Variants in NRXN1 observed in about 807,000 individuals in gnomAD.
NRXN1 encodes the protein neurexin-1.
NRXN1 carries 39 observed loss-of-function variants against 150.9 expected under a neutral mutation model. The observed-to-expected ratio is 0.26, with a 90% CI of 0.20 to 0.34. NRXN1 has a LOEUF of 0.34. Ranked by LOEUF, NRXN1 falls within the 10% of genes least tolerant of loss-of-function variation. NRXN1 has a pLI of 1.00. For missense variants in NRXN1, 1,815 were observed against 1,949.9 expected, an observed-to-expected ratio of 0.93 and a Z score of 1.30; for synonymous variants, 924 against 757.0, an observed-to-expected ratio of 1.22 and a Z score of -3.62.
chr2:50,647,888 T>C (rs577679087), intron 5 of NRXN1, among the ~76,000 whole-genome samples: 44 of 152,006 alleles, frequency 2.9e-4, no homozygotes, highest in African/African-American at 1.1e-3. Context: ...AAAATAAATG[T>C]AGGGCATACA....
chr2:50,324,997 C>A (rs1265535943), intron 17 of NRXN1, among the ~76,000 whole-genome samples: 1 of 152,034 alleles, frequency 6.6e-6, no homozygotes, highest in African/African-American at 2.4e-5. Flanking sequence ...AAAAAGCCCA[C>A]CATGGGTTTA....
At chr2:50,580,805 C>T (rs549656253) in intron 8 of NRXN1, among the ~76,000 whole-genome samples, 23 of 152,188 alleles carry the variant, frequency 1.5e-4, no homozygotes, top group African/African-American at 4.1e-4. Flanking sequence ...GGGCTTATTT[C>T]CATGCTATGT....
intron 2 of NRXN1, among the ~76,000 whole-genome samples, chr2:50,927,586 A>G (rs979717459): frequency 9.9e-5 from 15 of 152,166 alleles, no homozygotes; most frequent in African/African-American, 3.4e-4. Flanking sequence ...GTTTTGTTTT[A>G]CTGCATTATA....
At chr2:50,679,175 T>C (rs567231466) in intron 5 of NRXN1, among the ~76,000 whole-genome samples, 4 of 152,092 alleles carry the variant, frequency 2.6e-5, no homozygotes, top group Admixed American at 2.0e-4. Flanking sequence ...AGGAGAAGAT[T>C]AGTAATGGGG....
chr2:50,639,259 C>T (rs531125695), intron 5 of NRXN1, among the ~76,000 whole-genome samples: 1 of 135,224 alleles, frequency 7.4e-6, no homozygotes, highest in Non-Finnish European at 1.5e-5. Context: ...CTTGCTCTGT[C>T]ACCCAGGCTG....
chr2:50,849,096 C>T (rs1200496738), intron 5 of NRXN1, among the ~76,000 whole-genome samples: 1 of 152,216 alleles, frequency 6.6e-6, no homozygotes. Context: ...CCAGAAAACT[C>T]TGTTGATCAC....
At chr2:50,088,703 A>G (rs994674437) in intron 19 of NRXN1, among the ~76,000 whole-genome samples, 7 of 152,206 alleles carry the variant, frequency 4.6e-5, no homozygotes, top group African/African-American at 1.7e-4. Flanking sequence ...TTAATTGGCA[A>G]ATAAGGTACT....
Position 50,567,306 on chromosome 2 carries a change from G to A in NRXN1, c.1321-14281C>T, listed in dbSNP as rs931826598. Among the ~76,000 whole-genome samples, 3 of 152,162 alleles carry A rather than the reference G, an allele frequency of 2.0e-5. No homozygotes were observed. The South Asian group carries it at 6.2e-4, about 32-fold the overall frequency. ...TCAGGGGTCTAGAGTTAGATTTGATGATTACAGCCTCCTGTAGTCAATAAG... is the reference window on the plus strand; with the variant it reads ...TCAGGGGTCTAGAGTTAGATTTGATAATTACAGCCTCCTGTAGTCAATAAG... On this transcript the variant is annotated intron_variant, in intron 8 of 22. Transcript: ENST00000401669.
chr2:49,968,627 T>C (rs1385597654), intron 21 of NRXN1, among the ~76,000 whole-genome samples: 1 of 152,038 alleles, frequency 6.6e-6, no homozygotes, highest in Non-Finnish European at 1.5e-5. Flanking sequence ...GTGTTACCTT[T>C]TATTTCGTGA....
intron 2 of NRXN1, among the ~76,000 whole-genome samples, chr2:50,990,510 G>A (rs1266726246): frequency 6.6e-6 from 1 of 151,892 alleles, no homozygotes; most frequent in East Asian, 1.9e-4. Context: ...TTATTCTCTA[G>A]GGAAGAAACA....
intron 5 of NRXN1, among the ~76,000 whole-genome samples, chr2:50,674,671 T>A (rs1314031875): frequency 1.3e-5 from 2 of 152,006 alleles, no homozygotes; most frequent in African/African-American, 4.8e-5. Flanking sequence ...AACTTTGTGA[T>A]CACTTACACA....
In NRXN1 at chr2:50,586,273, G is replaced by C. The variant is rs545398379; in HGVS notation, c.1321-33248C>G. Among the ~76,000 whole-genome samples, 306 of 152,186 alleles carry C rather than the reference G, an allele frequency of 2.0e-3. 1 individual carries two copies. Among genetic ancestry groups the C allele is most frequent in the African/African-American group, 7.0e-3 (291 of 41,504 alleles). ...TTTTTGCTCACATGCCACTTTTTCA[G>C]TGTAGCTCTCTGTGAACATCTTATA... is the stretch of plus-strand genomic sequence containing the variant. On this transcript the variant is annotated intron_variant, in intron 8 of 22. Transcript: ENST00000401669.
intron 17 of NRXN1, among the ~76,000 whole-genome samples, chr2:50,408,837 A>ATATCTCTCTCTC (rs2082936707): frequency 1.5e-5 from 2 of 136,534 alleles, no homozygotes; most frequent in Non-Finnish European, 3.2e-5. Flanking sequence ...ATCAATCTCA[A>ATATCTCTCTCTC]TCTCTCTCTC....
At chr2:50,311,904 G>A (rs1470748746) in intron 17 of NRXN1, among the ~76,000 whole-genome samples, 2 of 152,012 alleles carry the variant, frequency 1.3e-5, no homozygotes, top group Non-Finnish European at 2.9e-5. Context: ...TACACAATTG[G>A]AGGAATAGTG....
At chr2:50,128,983 C>CAATAAATA (rs1553641018) in intron 18 of NRXN1, among the ~76,000 whole-genome samples, 4,008 of 146,796 alleles carry the variant, frequency 0.027, 171 homozygotes, top group African/African-American at 0.086. Flanking sequence ...GACTCCATCT[C>CAATAAATA]AATAAATAAA....
intron 5 of NRXN1, among the ~76,000 whole-genome samples, chr2:50,844,061 C>A (rs1673259265): frequency 6.6e-6 from 1 of 152,168 alleles, no homozygotes; most frequent in Admixed American, 6.5e-5. Flanking sequence ...GAAACACGCT[C>A]ACCTGTCCAA....
intron 2 of NRXN1, among the ~76,000 whole-genome samples, chr2:50,995,000 G>C (rs1417091315): frequency 1.3e-5 from 2 of 151,840 alleles, no homozygotes; most frequent in African/African-American, 4.8e-5. Context: ...CTCAGTTTAA[G>C]AGAAATATAG....
intron 21 of NRXN1, among the ~76,000 whole-genome samples, chr2:49,988,926 C>G (rs1381713580): frequency 6.6e-6 from 1 of 152,096 alleles, no homozygotes; most frequent in Non-Finnish European, 1.5e-5. Flanking sequence ...AAAACTATAT[C>G]CAACAGAAAT....
rs565899014 is a variant in NRXN1 at position 50,419,560 on chromosome 2, C to T, written c.3364+45882G>A. On this transcript the variant is annotated intron_variant, in intron 17 of 22. Coordinates refer to ENST00000401669, the MANE Select transcript of NRXN1 (RefSeq NM_001330078.2). The stretch of plus-strand genomic sequence containing the variant: ...TTTTTGTCCAATTTTCATTATTTCT[C>T]AGTGGGAAAGAAAAAAGAAAGGAAG... Among the ~76,000 whole-genome samples, 252 of 150,692 alleles carry T rather than the reference C, an allele frequency of 1.7e-3. 1 individual carries two copies. The highest frequency in any genetic ancestry group is 5.8e-3 in the African/African-American group (239 of 40,998).
Sources: allele counts gnomAD v4.1 joint callset (sites outside exome capture counted in the v4.1 genomes callset), GRCh38; gene constraint gnomAD v4.1.1; transcripts MANE v1.5; gene names NCBI Gene and HGNC (gene_info 2026-07-23, HGNC 2026-07-21).